Variants in TRIM67 observed in about 807,000 individuals in gnomAD.
The protein encoded by TRIM67 is tripartite motif containing 67, also known as tripartite motif-containing protein 67.
TRIM67 carries 39 observed loss-of-function variants against 71.0 expected under a neutral mutation model. The observed-to-expected ratio is 0.55, with a 90% confidence interval of 0.43 to 0.72. The LOEUF (loss-of-function observed/expected upper bound fraction) is 0.72, where lower values mean the gene tolerates loss of function less well. Among genes scored for constraint, TRIM67 ranks in the 30% least tolerant of loss-of-function variants. The pLI is 0.00. For synonymous variants in TRIM67, 481 were observed against 473.9 expected (o/e 1.01, Z -0.19); for missense variants, 973 against 1,079.2 (o/e 0.90, Z 1.38).
chr1:231,199,596 A>G (rs1683465237), intron 3 of TRIM67, among the ~76,000 whole-genome samples: 1 of 152,192 alleles, frequency 6.6e-6, no homozygotes, highest in South Asian at 2.1e-4. Context: ...AGGGAAGACG[A>G]GACTCTCCCC....
chr1:231,206,690 C>T lies in TRIM67; in HGVS notation c.1719C>T (p.Asp573=), dbSNP rs565486696. The T allele has an allele frequency of 9.3e-6, 15 of 1,610,986 alleles. No homozygotes were observed. The highest frequency in any genetic ancestry group is 6.6e-5 in the South Asian group (6 of 90,330). Reference sequence around the variant, plus strand: ...GTAAGGAGACTTTGTGTACCATCGACGGTCTTCACTTCAACAGCACCTACA... The same window carrying T: ...GTAAGGAGACTTTGTGTACCATCGATGGTCTTCACTTCAACAGCACCTACA... ...YVGKETLCTI[D]GLHFNSTYNA... The change falls in exon 7 of 10, where the codon GAC becomes GAT. Residue 573 remains aspartate, a synonymous_variant. Coordinates refer to ENST00000366653, the MANE Select transcript of TRIM67 (RefSeq NM_001004342.5).
rs189856573 is a variant in TRIM67 at position 231,209,356 on chromosome 1, G to A, written c.2123+106G>A. 3.1e-6 allele frequency: 4 copies of A among 1,306,030 alleles called. No individual in the cohort carries two copies. The highest frequency in any genetic ancestry group is 2.6e-5 in the East Asian group (1 of 37,980). The allele number at this position is 1,306,030 out of a possible 1,614,324, so 80.9% of individuals were successfully genotyped here. ...TGTCCCCAAAGCCAGGAGGAATTGAGAGGAGGTATTTTCAGCCACTTTGGT... is the reference window on the plus strand; with the variant it reads ...TGTCCCCAAAGCCAGGAGGAATTGAAAGGAGGTATTTTCAGCCACTTTGGT... On this transcript the variant is annotated intron_variant, in intron 8 of 9. Coordinates refer to ENST00000366653, the MANE Select transcript of TRIM67 (RefSeq NM_001004342.5). This position sits in a 1 kb window ranked among gnomAD's most constrained non-coding sequence, Gnocchi z 4.1.
chr1:231,167,597 C>T (rs1682509712), intron 1 of TRIM67, among the ~76,000 whole-genome samples: 1 of 106,152 alleles, frequency 9.4e-6, no homozygotes, highest in Admixed American at 9.5e-5. Context: ...GCTGGGATTA[C>T]AGGCGTGAGC....
At chr1:231,197,835 A>G (rs192628105) in intron 2 of TRIM67, among the ~76,000 whole-genome samples, 195 of 150,708 alleles carry the variant, frequency 1.3e-3, no homozygotes, top group African/African-American at 4.5e-3. Flanking sequence ...CAAAGAAAAG[A>G]AGAAGAAGAA....
At chr1:231,182,939 A>C (rs1227685844) in intron 1 of TRIM67, among the ~76,000 whole-genome samples, 1 of 152,200 alleles carries the variant, frequency 6.6e-6, no homozygotes, top group African/African-American at 2.4e-5. Context: ...TGACTTCAGC[A>C]TTAAGTTCTA....
intron 1 of TRIM67, among the ~76,000 whole-genome samples, chr1:231,192,640 C>A (rs1262819493): frequency 2.0e-5 from 3 of 152,208 alleles, no homozygotes; most frequent in Non-Finnish European, 4.4e-5. Context: ...AGAAAAGGAC[C>A]AGTGTGTGCT....
At chr1:231,196,927 G>C (rs1282021276) in intron 1 of TRIM67, among the ~76,000 whole-genome samples, 1 of 152,234 alleles carries the variant, frequency 6.6e-6, no homozygotes, top group Non-Finnish European at 1.5e-5. Flanking sequence ...CCAGGCCCCA[G>C]GGTTTGCACC....
intron 5 of TRIM67, 35 bp from the exon 6 acceptor site, chr1:231,203,832 C>A: frequency 1.3e-6 from 2 of 1,597,606 alleles, no homozygotes; most frequent in Non-Finnish European, 1.7e-6. Flanking sequence ...CCTCGGAGGG[C>A]TTCCTGCGCT....
chr1:231,183,429 T>C (rs1266780462), intron 1 of TRIM67, among the ~76,000 whole-genome samples: 2 of 152,036 alleles, frequency 1.3e-5, no homozygotes, highest in Non-Finnish European at 2.9e-5. Flanking sequence ...CAAAACCTCA[T>C]CTCTACAAAA....
intron 3 of TRIM67, 45 bp from the exon 4 acceptor site, chr1:231,200,103 C>T: frequency 6.8e-7 from 1 of 1,465,460 alleles, no homozygotes; most frequent in Non-Finnish European, 9.6e-7. Flanking sequence ...CCTGCCTGTT[C>T]TTCCTCTCAT....
chr1:231,217,180 T>G lies in TRIM67; in HGVS notation c.*1740T>G. The G allele has an allele frequency of 1.0e-6, 1 of 986,028 alleles. No homozygotes were observed. The highest frequency in any genetic ancestry group is 4.7e-5 in the South Asian group (1 of 21,280). 61.1% of individuals were successfully genotyped at this position (986,028 alleles called of 1,614,324 possible). On this transcript the variant is annotated 3_prime_UTR_variant, in exon 10 of 10. Coordinates refer to ENST00000366653, the MANE Select transcript of TRIM67 (RefSeq NM_001004342.5). ...GCTCTTGGTCTGCAAGGCTGCTTGG[T>G]CCGCTGTCTCTGCAGATGTGGCCGG... is the stretch of plus-strand genomic sequence containing the variant.
In TRIM67 at chr1:231,216,047, C is replaced by T. The variant is rs1272737584; in HGVS notation, c.*607C>T. The T allele has an allele frequency of 1.0e-6, 1 of 985,404 alleles. No homozygotes were observed. The highest frequency in any genetic ancestry group is 1.2e-6 in the Non-Finnish European group (1 of 829,988). The allele number at this position is 985,404 out of a possible 1,614,324, so 61.0% of individuals were successfully genotyped here. A position where few individuals can be genotyped will look rare whatever the true frequency, so the allele number is the denominator to read the frequency against. ...TCATTCATGCTTGACTTTTGCCTCT[C>T]TCACTGAAGTGTTAGAACCTTTTAA... On this transcript the variant is annotated 3_prime_UTR_variant, in exon 10 of 10. Coordinates refer to ENST00000366653, the MANE Select transcript of TRIM67 (RefSeq NM_001004342.5).
At chr1:231,208,235 G>A (rs1380311400) in intron 7 of TRIM67, among the ~76,000 whole-genome samples, 3 of 150,630 alleles carry the variant, frequency 2.0e-5, no homozygotes, top group Admixed American at 6.6e-5. Flanking sequence ...GTGTAGTGGC[G>A]TGATCATGGC....
chr1:231,204,923 C>T (rs190522445), intron 6 of TRIM67, among the ~76,000 whole-genome samples: 2 of 152,190 alleles, frequency 1.3e-5, no homozygotes, highest in Admixed American at 6.5e-5. Context: ...GCAGCACTTC[C>T]GTGGGAATTA....
chr1:231,183,427 C>T (rs1047730675), intron 1 of TRIM67, among the ~76,000 whole-genome samples: 2 of 152,122 alleles, frequency 1.3e-5, no homozygotes, highest in Non-Finnish European at 2.9e-5. Context: ...AGCAAAACCT[C>T]ATCTCTACAA....
In TRIM67 at chr1:231,218,590, C is replaced by CCT; in HGVS notation, c.*3157_*3158dup. 1 of 985,476 alleles carries CCT rather than the reference C, an allele frequency of 1.0e-6. No individual in the cohort carries two copies. Among genetic ancestry groups the CCT allele is most frequent in the African/African-American group, 1.7e-5 (1 of 57,358 alleles). The allele number at this position is 985,476 out of a possible 1,614,324, so 61.0% of individuals were successfully genotyped here. A position where few individuals can be genotyped will look rare whatever the true frequency, so the allele number is the denominator to read the frequency against. ...AGGTATTTCCCCAAAGCCTGCTTTT[C>CCT]CTCTCTCTGTTCTCCTTGGGAAAAT... On this transcript the variant is annotated 3_prime_UTR_variant, in exon 10 of 10. Coordinates refer to ENST00000366653, the MANE Select transcript of TRIM67 (RefSeq NM_001004342.5).
At chr1:231,180,820 A>G (rs937143789) in intron 1 of TRIM67, among the ~76,000 whole-genome samples, 1 of 152,200 alleles carries the variant, frequency 6.6e-6, no homozygotes, top group Non-Finnish European at 1.5e-5. Context: ...AGATTTTATC[A>G]TTTGTTCAAA....
rs1355068018 is a variant in TRIM67 at position 231,217,417 on chromosome 1, C to T, written c.*1977C>T. 1.5e-5 allele frequency: 15 copies of T among 988,084 alleles called. No homozygotes were observed. Among genetic ancestry groups the T allele is most frequent in the African/African-American group, 5.2e-5 (3 of 57,270 alleles). The allele number at this position is 988,084 out of a possible 1,614,324, so 61.2% of individuals were successfully genotyped here. A position where few individuals can be genotyped will look rare whatever the true frequency, so the allele number is the denominator to read the frequency against. On this transcript the variant is annotated 3_prime_UTR_variant, in exon 10 of 10. Transcript: ENST00000366653. ...AGACCTGGGACCCTGTGTCCTTGCC[C>T]GCACCTCTGCCTCTGTCTCCCATAT...
intron 1 of TRIM67, among the ~76,000 whole-genome samples, chr1:231,193,205 C>G (rs924168891): frequency 3.3e-5 from 5 of 152,216 alleles, no homozygotes; most frequent in Non-Finnish European, 7.3e-5. Flanking sequence ...AATTATTTTG[C>G]TTTTTATTCA....
Sources: allele counts gnomAD v4.1 joint callset (sites outside exome capture counted in the v4.1 genomes callset), GRCh38; gene constraint gnomAD v4.1.1; non-coding constraint Gnocchi (gnomAD v3.1); transcripts MANE v1.5; gene names NCBI Gene and HGNC (gene_info 2026-07-23, HGNC 2026-07-21).